Variants in TMEM156 observed in about 807,000 individuals in gnomAD.
The protein encoded by TMEM156 is transmembrane protein 156.
A neutral mutation model predicts 30.5 loss-of-function variants in TMEM156; 28 were observed. The observed-to-expected ratio is 0.92, with a 90% CI of 0.68 to 1.26. TMEM156 has a LOEUF of 1.26. TMEM156 is among the 50% of genes most tolerant of loss of function. TMEM156 has a pLI of 0.00. For missense variants in TMEM156, 351 were observed against 340.6 expected, an observed-to-expected ratio of 1.03 and a Z score of -0.24; for synonymous variants, 137 against 119.9, an observed-to-expected ratio of 1.14 and a Z score of -0.93.
At chr4:39,023,837 G>C (rs759251504) in intron 1 of TMEM156, among the ~76,000 whole-genome samples, 19 of 152,128 alleles carry the variant, frequency 1.2e-4, no homozygotes, top group Admixed American at 2.0e-4. Flanking sequence ...CTGGGTGACA[G>C]AGTGAGACTC....
At chr4:39,026,912 G>A (rs1304534513) in intron 1 of TMEM156, among the ~76,000 whole-genome samples, 3 of 152,274 alleles carry the variant, frequency 2.0e-5, no homozygotes, top group Admixed American at 2.0e-4. Context: ...GGGTGACAAA[G>A]TAAGCTGTTG....
At chr4:39,004,506 C>T (rs939616132) in intron 1 of TMEM156, among the ~76,000 whole-genome samples, 4 of 152,040 alleles carry the variant, frequency 2.6e-5, no homozygotes, top group African/African-American at 9.7e-5. Flanking sequence ...GCATTTGAAG[C>T]ACCCCTATCT....
intron 1 of TMEM156, among the ~76,000 whole-genome samples, chr4:39,003,972 T>C (rs1470399428): frequency 6.6e-6 from 1 of 152,192 alleles, no homozygotes; most frequent in Non-Finnish European, 1.5e-5. Context: ...TGGGGTAATT[T>C]CGTGATGACT....
intron 5 of TMEM156, among the ~76,000 whole-genome samples, chr4:38,984,774 G>A (rs1237902090): frequency 6.7e-6 from 1 of 149,454 alleles, no homozygotes; most frequent in Admixed American, 6.7e-5. Context: ...AGGGTTCTTG[G>A]TTTTAAAAAG....
chr4:38,983,471 T>A (rs1340003448), intron 5 of TMEM156, among the ~76,000 whole-genome samples: 3 of 152,202 alleles, frequency 2.0e-5, no homozygotes. Flanking sequence ...TGACCTCGGC[T>A]CACTGCAGCC....
intron 1 of TMEM156, among the ~76,000 whole-genome samples, chr4:39,027,087 C>T (rs534795513): frequency 6.6e-6 from 1 of 152,252 alleles, no homozygotes; most frequent in East Asian, 1.9e-4. Context: ...TGACACATTA[C>T]TGTGAATTAT....
intron 6 of TMEM156, among the ~76,000 whole-genome samples, chr4:38,968,850 C>T (rs1722464598): frequency 6.6e-6 from 1 of 152,156 alleles, no homozygotes; most frequent in South Asian, 2.1e-4. Context: ...ATCTGCCCTC[C>T]ACTCGTTTCC....
chr4:39,026,675 C>T (rs562821254), intron 1 of TMEM156, among the ~76,000 whole-genome samples: 2 of 152,046 alleles, frequency 1.3e-5, no homozygotes, highest in South Asian at 4.2e-4. Flanking sequence ...ACCTGTAATC[C>T]CAACACTCTG....
intron 1 of TMEM156, among the ~76,000 whole-genome samples, chr4:39,004,954 A>G (rs932486647): frequency 1.4e-4 from 21 of 152,224 alleles, no homozygotes; most frequent in African/African-American, 5.1e-4. Context: ...TTTCTTACTT[A>G]TAATAGCCAA....
chr4:39,011,747 T>A (rs1714136980), intron 1 of TMEM156, among the ~76,000 whole-genome samples: 1 of 152,062 alleles, frequency 6.6e-6, no homozygotes, highest in South Asian at 2.1e-4. Flanking sequence ...CACTCCAGCC[T>A]GGACAACAGA....
chr4:38,987,976 C>T (rs1449687197), intron 4 of TMEM156, among the ~76,000 whole-genome samples: 1 of 152,048 alleles, frequency 6.6e-6, no homozygotes, highest in African/African-American at 2.4e-5. Context: ...GCCAGTAGAG[C>T]CAGTATTTGC....
intron 5 of TMEM156, among the ~76,000 whole-genome samples, chr4:38,983,380 CTGT>C (rs1252424039): frequency 2.6e-5 from 4 of 152,162 alleles, no homozygotes; most frequent in Admixed American, 2.6e-4. Context: ...TAAGCACTCA[CTGT>C]TTCTAGGGGT....
chr4:39,017,550 A>G (rs934421723), intron 1 of TMEM156, among the ~76,000 whole-genome samples: 1 of 152,156 alleles, frequency 6.6e-6, no homozygotes, highest in Admixed American at 6.5e-5. Context: ...AAATACATCC[A>G]TTAGATAAAA....
chr4:38,981,075 C>G (rs1040506115), intron 5 of TMEM156: 1 of 291,652 alleles, frequency 3.4e-6, no homozygotes, highest in African/African-American at 2.3e-5. Context: ...TTTATGAACC[C>G]AAATCTGTAT....
At chr4:38,988,657 C>T (rs1163643409) in intron 4 of TMEM156, among the ~76,000 whole-genome samples, 194 bp downstream of exon 4, 1 of 152,164 alleles carries the variant, frequency 6.6e-6, no homozygotes, top group Non-Finnish European at 1.5e-5. Flanking sequence ...CTCTTACTTG[C>T]CCGAGTAGAA....
chr4:39,023,629 G>A (rs1715011458), intron 1 of TMEM156, among the ~76,000 whole-genome samples: 1 of 151,996 alleles, frequency 6.6e-6, no homozygotes, highest in South Asian at 2.1e-4. Context: ...AATCACTTGA[G>A]GTCAGGAGTT....
chr4:38,967,851 C>T (rs900521856), intron 6 of TMEM156, among the ~76,000 whole-genome samples: 1 of 152,214 alleles, frequency 6.6e-6, no homozygotes, highest in Non-Finnish European at 1.5e-5. Flanking sequence ...GGATTACAGG[C>T]GTGAGCCACC....
intron 1 of TMEM156, among the ~76,000 whole-genome samples, chr4:39,012,957 A>G (rs1207843566): frequency 6.6e-6 from 1 of 151,748 alleles, no homozygotes; most frequent in Non-Finnish European, 1.5e-5. Flanking sequence ...AAAAAAGGAA[A>G]GAAAAAAAGA....
At chr4:39,018,413 A>T (rs775398439) in intron 1 of TMEM156, among the ~76,000 whole-genome samples, 4 of 152,170 alleles carry the variant, frequency 2.6e-5, no homozygotes. Flanking sequence ...TCACATGTTT[A>T]TAATTGTTGT....
Sources: allele counts gnomAD v4.1 joint callset (sites outside exome capture counted in the v4.1 genomes callset), GRCh38; gene constraint gnomAD v4.1.1; transcripts MANE v1.5; gene names NCBI Gene and HGNC (gene_info 2026-07-23, HGNC 2026-07-21).